Variants in FAF1 observed in about 807,000 individuals in gnomAD.
The protein encoded by FAF1 is Fas associated factor 1.
FAF1 carries 25 observed loss-of-function variants against 92.5 expected under a neutral mutation model. The observed-to-expected ratio is 0.27, with a 90% CI of 0.20 to 0.38. FAF1 has a LOEUF of 0.38. Ranked by LOEUF, FAF1 falls within the 10% of genes least tolerant of loss-of-function variation. FAF1 has a pLI of 1.00. For synonymous variants in FAF1, 234 were observed against 273.2 expected, an observed-to-expected ratio of 0.86 and a Z score of 1.42; for missense variants, 636 against 793.3, an observed-to-expected ratio of 0.80 and a Z score of 2.38.
chr1:50,700,096 A>G (rs781699761), intron 7 of FAF1, among the ~76,000 whole-genome samples: 7 of 152,206 alleles, frequency 4.6e-5, no homozygotes, highest in Non-Finnish European at 8.8e-5. Flanking sequence ...ACGCACTTGA[A>G]AAACTCAAAT....
chr1:50,657,655 T>A (rs1274296052), intron 7 of FAF1, among the ~76,000 whole-genome samples: 2 of 152,248 alleles, frequency 1.3e-5, no homozygotes, highest in African/African-American at 4.8e-5. Context: ...TAAAGTATCA[T>A]GTTGTCCAAT....
intron 18 of FAF1, chr1:50,451,754 T>C (rs1339353973): frequency 1.4e-6 from 1 of 703,602 alleles, no homozygotes; most frequent in Non-Finnish European, 1.7e-6. Context: ...CTCTGTAGCA[T>C]ATGGGGACAG....
At chr1:50,472,054 T>C (rs1304925598) in intron 18 of FAF1, among the ~76,000 whole-genome samples, 1 of 151,992 alleles carries the variant, frequency 6.6e-6, no homozygotes, top group Non-Finnish European at 1.5e-5. Context: ...TCTTACCAAG[T>C]GGCATGAGTG....
intron 1 of FAF1, among the ~76,000 whole-genome samples, chr1:50,904,343 C>T (rs906244414): frequency 1.3e-5 from 2 of 152,070 alleles, no homozygotes; most frequent in Admixed American, 6.6e-5. Flanking sequence ...AGAATGGTGG[C>T]TGCCAGAGCT....
chr1:50,501,403 G>A (rs1365025214), intron 15 of FAF1, among the ~76,000 whole-genome samples: 5 of 152,160 alleles, frequency 3.3e-5, no homozygotes, highest in Non-Finnish European at 5.9e-5. Context: ...AGTGGCTCAC[G>A]CCTGTAATCT....
intron 1 of FAF1, among the ~76,000 whole-genome samples, chr1:50,890,013 G>A (rs1212996999): frequency 6.6e-6 from 1 of 152,142 alleles, no homozygotes; most frequent in African/African-American, 2.4e-5. Context: ...TCTCTTTGTA[G>A]GTCTCTAAGG....
rs1230573907 is a variant in FAF1, at chr1:50,948,250, ACT to A, written c.45+11515_45+11516del. 4.6e-5 allele frequency among the ~76,000 whole-genome samples: 7 copies of A among 152,242 alleles called. No individual in the cohort carries two copies. In the East Asian group the frequency reaches 7.7e-4, roughly 17 times the overall value. Reference sequence around the variant, plus strand: ...ATCAAGCATCAGTATACTGAAATATACTCTGTTAGTCCATTCTTGTGTTGCTA... The same window carrying A: ...ATCAAGCATCAGTATACTGAAATATACTGTTAGTCCATTCTTGTGTTGCTA... On this transcript the variant is annotated intron_variant, in intron 1 of 18. Coordinates refer to ENST00000396153, the MANE Select transcript of FAF1 (RefSeq NM_007051.3).
intron 9 of FAF1, among the ~76,000 whole-genome samples, chr1:50,593,367 C>T (rs1049426702): frequency 6.6e-6 from 1 of 152,256 alleles, no homozygotes; most frequent in South Asian, 2.1e-4. Flanking sequence ...GAAACAGTTA[C>T]CTGTCACCTC....
intron 8 of FAF1, among the ~76,000 whole-genome samples, chr1:50,623,943 A>AG (rs1428506850): frequency 6.6e-6 from 1 of 152,100 alleles, no homozygotes; most frequent in Non-Finnish European, 1.5e-5. Flanking sequence ...GTCTCAAAAA[A>AG]AAACAAAGAA....
rs1658238008 is a variant in FAF1 at position 50,717,805 on chromosome 1, C to T, written c.552-11914G>A. ...TGACTTGAGGCCAGGAGTTCAAAAC[C>T]AGCCTGCGCAACATAGCAAGACCTC... On this transcript the variant is annotated intron_variant, in intron 6 of 18. Coordinates refer to ENST00000396153, the MANE Select transcript of FAF1 (RefSeq NM_007051.3). 2.6e-5 allele frequency among the ~76,000 whole-genome samples: 4 copies of T among 152,072 alleles called. No individual in the cohort carries two copies. In the South Asian group the frequency reaches 8.3e-4, roughly 32 times the overall value.
At chr1:50,584,622 C>T in intron 10 of FAF1, 63 bp downstream of exon 10, 26 of 1,525,396 alleles carry the variant, frequency 1.7e-5, no homozygotes, top group Non-Finnish European at 2.3e-5. Context: ...TAATGTTCTT[C>T]ATAAGTTTGT....
intron 18 of FAF1, among the ~76,000 whole-genome samples, chr1:50,448,108 T>A (rs1445263978): frequency 2.6e-5 from 4 of 152,234 alleles, no homozygotes; most frequent in African/African-American, 9.6e-5. Flanking sequence ...TGCTTACTTG[T>A]GCACTAGTTC....
chr1:50,870,384 G>A (rs930701174), intron 1 of FAF1, among the ~76,000 whole-genome samples: 3 of 152,212 alleles, frequency 2.0e-5, no homozygotes, highest in Admixed American at 1.3e-4. Flanking sequence ...TTGAACGCGC[G>A]AGGCACAAGT....
At chr1:50,606,935 G>C (rs539947148) in intron 8 of FAF1, 2 of 152,156 alleles carry the variant, frequency 1.3e-5, no homozygotes, top group Non-Finnish European at 2.9e-5. Context: ...CAATTCCTGC[G>C]AGAGGAACTA....
intron 1 of FAF1, among the ~76,000 whole-genome samples, chr1:50,858,793 A>G (rs1644410531): frequency 6.6e-6 from 1 of 151,868 alleles, no homozygotes; most frequent in African/African-American, 2.4e-5. Flanking sequence ...GACCAAACTA[A>G]GCAAATATTA....
Position 50,468,459 on chromosome 1 carries a change from A to ATT in FAF1, c.1869+7003_1869+7004dup, listed in dbSNP as rs370937786. Among the ~76,000 whole-genome samples, 984 of 130,694 alleles carry ATT rather than the reference A, an allele frequency of 7.5e-3. 22 individuals carry two copies. Among genetic ancestry groups the ATT allele is most frequent in the African/African-American group, 0.028 (921 of 32,876 alleles). 85.7% of individuals were successfully genotyped at this position (130,694 alleles called of 152,430 possible). ...AGGTGCACGCCACTACACTTGGCTA[A>ATT]TTTTTTTTTTTTTTTTTTGAGATGG... On this transcript the variant is annotated intron_variant, in intron 18 of 18. Transcript: ENST00000396153.
Position 50,565,563 on chromosome 1 carries a change from A to G in FAF1, c.1268+1514T>C, listed in dbSNP as rs553958125. ...GTGTCTCTGTAACCTGCAAACTCTT[A>G]TTACTAGTGTATCAAAGTTGTGCTA... On this transcript the variant is annotated intron_variant, in intron 13 of 18. Coordinates refer to ENST00000396153, the MANE Select transcript of FAF1 (RefSeq NM_007051.3). Among the ~76,000 whole-genome samples the G allele has an allele frequency of 2.0e-5, 3 of 152,172 alleles. No homozygotes were observed. The South Asian group carries it at 6.2e-4, about 32-fold the overall frequency.
chr1:50,504,469 T>C (rs1165562310), intron 15 of FAF1, among the ~76,000 whole-genome samples: 1 of 150,854 alleles, frequency 6.6e-6, no homozygotes, highest in African/African-American at 2.4e-5. Flanking sequence ...TACAGAAAAA[T>C]AAAATATGAA....
chr1:50,588,881 A>G (rs1410131166), intron 9 of FAF1, among the ~76,000 whole-genome samples: 1 of 152,248 alleles, frequency 6.6e-6, no homozygotes, highest in Non-Finnish European at 1.5e-5. Flanking sequence ...ATGTAGCCTC[A>G]TGCACTGGGG....
Sources: allele counts gnomAD v4.1 joint callset (sites outside exome capture counted in the v4.1 genomes callset), GRCh38; gene constraint gnomAD v4.1.1; transcripts MANE v1.5; gene names NCBI Gene and HGNC (gene_info 2026-07-23, HGNC 2026-07-21).